The following GPR158 variants were observed in gnomAD, a reference collection of about 807,000 sequenced individuals.
GPR158 encodes metabotropic glycine receptor.
GPR158 carries 30 observed loss-of-function variants against 78.2 expected under a neutral mutation model. The ratio of observed to expected loss-of-function variants is 0.38; its 90% CI spans 0.29 to 0.52. GPR158 has a LOEUF of 0.52. GPR158 is among the 20% of genes least tolerant of loss of function. The pLI is 0.83. For missense variants in GPR158, 1,463 were observed against 1,523.5 expected (o/e 0.96, Z 0.66); for synonymous variants, 581 against 591.1 (o/e 0.98, Z 0.25).
At chr10:25,536,102 G>T (rs1836496773) in intron 5 of GPR158, among the ~76,000 whole-genome samples, 1 of 152,102 alleles carries the variant, frequency 6.6e-6, no homozygotes, top group Admixed American at 6.6e-5. Context: ...CAAATTCCTT[G>T]TTTTACCCAC....
intron 1 of GPR158, among the ~76,000 whole-genome samples, chr10:25,198,537 T>C (rs1852874062): frequency 6.6e-6 from 1 of 152,166 alleles, no homozygotes; most frequent in Admixed American, 6.5e-5. Context: ...ATTTAAATTG[T>C]TTTCTGGCAA....
intron 2 of GPR158, among the ~76,000 whole-genome samples, chr10:25,288,373 T>A (rs1254919544): frequency 6.6e-6 from 1 of 152,204 alleles, no homozygotes; most frequent in Non-Finnish European, 1.5e-5. Flanking sequence ...ATTTTAAACA[T>A]GTGAGTTAAG....
intron 5 of GPR158, among the ~76,000 whole-genome samples, chr10:25,516,519 C>A (rs1332111951): frequency 7.0e-6 from 1 of 143,592 alleles, no homozygotes; most frequent in African/African-American, 2.6e-5. Context: ...ACGTTTAAAT[C>A]TTTAATCCAT....
chr10:25,234,917 A>G (rs1274105703), intron 2 of GPR158, among the ~76,000 whole-genome samples: 1 of 152,246 alleles, frequency 6.6e-6, no homozygotes, highest in African/African-American at 2.4e-5. Context: ...CCAAATGAGT[A>G]CCATATATAT....
At chr10:25,248,139 C>T (rs1853727885) in intron 2 of GPR158, among the ~76,000 whole-genome samples, 1 of 151,910 alleles carries the variant, frequency 6.6e-6, no homozygotes, top group Non-Finnish European at 1.5e-5. Context: ...TGTTCATATC[C>T]TTCGCCCACT....
intron 2 of GPR158, among the ~76,000 whole-genome samples, chr10:25,344,194 T>C (rs1353867289): frequency 8.6e-5 from 13 of 152,030 alleles, no homozygotes. Context: ...AAGAATTCAC[T>C]GGCAGTATTT....
intron 2 of GPR158, among the ~76,000 whole-genome samples, chr10:25,275,080 T>C (rs1046987147): frequency 5.9e-5 from 9 of 152,214 alleles, no homozygotes; most frequent in Non-Finnish European, 8.8e-5. Context: ...TTATATAGCC[T>C]GTTGCTATTA....
chr10:25,450,177 A>G (rs1835195108), intron 4 of GPR158, among the ~76,000 whole-genome samples: 2 of 152,016 alleles, frequency 1.3e-5, no homozygotes, highest in African/African-American at 2.4e-5. Context: ...GGAGGTGGAA[A>G]TAGGCCAGGG....
intron 3 of GPR158, among the ~76,000 whole-genome samples, chr10:25,396,671 A>T (rs575779849): frequency 1.3e-5 from 2 of 152,346 alleles, no homozygotes; most frequent in East Asian, 3.9e-4. Context: ...CATCTTCAAA[A>T]AAATACAAGT....
chr10:25,497,456 T>C (rs1004648583), intron 5 of GPR158, among the ~76,000 whole-genome samples: 2 of 152,158 alleles, frequency 1.3e-5, no homozygotes, highest in African/African-American at 4.8e-5. Flanking sequence ...GAAGTTGAAT[T>C]TGACAATAGG....
chr10:25,284,581 CTG>C (rs1295294836), intron 2 of GPR158, among the ~76,000 whole-genome samples: 1 of 151,604 alleles, frequency 6.6e-6, no homozygotes, highest in Non-Finnish European at 1.5e-5. Flanking sequence ...GTCTGACAAT[CTG>C]TCTTTTAATT....
intron 5 of GPR158, among the ~76,000 whole-genome samples, chr10:25,471,848 G>C (rs535115105): frequency 1.3e-5 from 2 of 152,272 alleles, no homozygotes; most frequent in African/African-American, 4.8e-5. Context: ...ATTCTTTGTA[G>C]ATTCTGGATA....
At chr10:25,594,560 A>G (rs1363949528) in intron 9 of GPR158, among the ~76,000 whole-genome samples, 163 bp downstream of exon 9, 1 of 152,088 alleles carries the variant, frequency 6.6e-6, no homozygotes, top group African/African-American at 2.4e-5. Context: ...GAATTTTGGA[A>G]ACTTCTTAAA....
chr10:25,375,795 G>T (rs67674689), intron 2 of GPR158, among the ~76,000 whole-genome samples: 12,267 of 151,472 alleles, frequency 0.081, 558 homozygotes, highest in South Asian at 0.21. Context: ...CTGTAGCTTT[G>T]TAATGAGTTA....
At chr10:25,529,126 C>T (rs1379776399) in intron 5 of GPR158, among the ~76,000 whole-genome samples, 1 of 152,118 alleles carries the variant, frequency 6.6e-6, no homozygotes, top group Non-Finnish European at 1.5e-5. Flanking sequence ...TGGTGGCTCA[C>T]GCGTGTAATC....
chr10:25,323,068 A>G (rs1854977943), intron 2 of GPR158, among the ~76,000 whole-genome samples: 1 of 152,022 alleles, frequency 6.6e-6, no homozygotes, highest in Non-Finnish European at 1.5e-5. Flanking sequence ...GATGGTCTCG[A>G]TCTCCTGACC....
Position 25,389,661 on chromosome 10 carries a change from C to T in GPR158, c.1009-6250C>T, listed in dbSNP as rs568755700. On this transcript the variant is annotated intron_variant, in intron 2 of 10. Coordinates refer to ENST00000376351, the MANE Select transcript of GPR158 (RefSeq NM_020752.3). ...AACACAAACAGGGCTGAAACACGCCCCTTGCATGCCATATTGTGGGTGACA... is the reference window on the plus strand; with the variant it reads ...AACACAAACAGGGCTGAAACACGCCTCTTGCATGCCATATTGTGGGTGACA... Among the ~76,000 whole-genome samples, 7 of 152,272 alleles carry T rather than the reference C, an allele frequency of 4.6e-5. No homozygotes were observed. The South Asian group carries it at 1.5e-3, about 32-fold the overall frequency.
rs554137886 is a variant in GPR158, at chr10:25,206,555, T to A, written c.903-14497T>A. Among the ~76,000 whole-genome samples, 4 of 152,222 alleles carry A rather than the reference T, an allele frequency of 2.6e-5. No individual in the cohort carries two copies. In the East Asian group the frequency reaches 5.8e-4, roughly 22 times the overall value. On this transcript the variant is annotated intron_variant, in intron 1 of 10. Coordinates refer to ENST00000376351, the MANE Select transcript of GPR158 (RefSeq NM_020752.3). ...TCACCCACAATCTTAATGCTCAGAG[T>A]TAATAATTGATAACATTTTGATATA...
chr10:25,285,434 A>G (rs1414762120), intron 2 of GPR158, among the ~76,000 whole-genome samples: 2 of 152,078 alleles, frequency 1.3e-5, no homozygotes, highest in Non-Finnish European at 2.9e-5. Context: ...TGTTGGTAGC[A>G]TGGTTCAGTC....
Sources: gnomAD v4.1 joint callset for allele counts (sites outside exome capture counted in the v4.1 genomes callset) on GRCh38, gnomAD v4.1.1 for gene constraint, MANE v1.5 for transcripts, NCBI Gene and HGNC (gene_info 2026-07-23, HGNC 2026-07-21) for gene names.